Variants in SLC13A5 observed in about 807,000 individuals in gnomAD.
The protein encoded by SLC13A5 is Na(+)/citrate cotransporter.
A neutral mutation model predicts 56.5 loss-of-function variants in SLC13A5; 25 were observed. That is an observed-to-expected ratio of 0.44 (90% CI 0.32 to 0.62). The LOEUF (loss-of-function observed/expected upper bound fraction) is 0.62, where lower values mean the gene tolerates loss of function less well. Ranked by LOEUF, SLC13A5 falls within the 20% of genes least tolerant of loss-of-function variation. SLC13A5 has a pLI of 0.04. For synonymous variants in SLC13A5, 307 were observed against 301.5 expected (o/e 1.02, Z -0.19); for missense variants, 649 against 737.8 (o/e 0.88, Z 1.39).
chr17:6,711,643 TTGTGTGTGTCTGTGTGTTTG>T lies in SLC13A5; in HGVS notation c.102+1569_102+1588del, dbSNP rs1974037166. ...GTGTGTTTGTGTTTGTGCGTGTGTT[TTGTGTGTGTCTGTGTGTTTG>T]TGTGTGTGTCTGTGTGTGTTTGTGA... On this transcript the variant is annotated intron_variant, in intron 1 of 11. Coordinates refer to ENST00000433363, the MANE Select transcript of SLC13A5 (RefSeq NM_177550.5). This position sits in a 1 kb window ranked among gnomAD's most constrained non-coding sequence, Gnocchi z 4.0. Among the ~76,000 whole-genome samples, 1 of 150,686 alleles carries T rather than the reference TTGTGTGTGTCTGTGTGTTTG, an allele frequency of 6.6e-6. No homozygotes were observed.
chr17:6,695,396 T>G, intron 7 of SLC13A5: 1 of 227,790 alleles, frequency 4.4e-6, no homozygotes, highest in South Asian at 6.6e-5. Flanking sequence ...GTGTCTTTCT[T>G]TCTCTTTTTT....
At chr17:6,710,496 A>C (rs1973991722) in intron 1 of SLC13A5, among the ~76,000 whole-genome samples, 1 of 152,038 alleles carries the variant, frequency 6.6e-6, no homozygotes, top group African/African-American at 2.4e-5. Context: ...ACCAATGTAC[A>C]CTGTGCGTTC....
At position 6,701,689 on chromosome 17, in the gene SLC13A5, G is replaced by A. The variant is rs1329428967; in HGVS notation, c.717-563C>T. Among the ~76,000 whole-genome samples, 2 of 152,156 alleles carry A rather than the reference G, an allele frequency of 1.3e-5. No homozygotes were observed. Among genetic ancestry groups the A allele is most frequent in the African/African-American group, 4.8e-5 (2 of 41,442 alleles). The stretch of plus-strand genomic sequence containing the variant: ...CGCGCCACTGCACTCCAGCCTGGGC[G>A]ACAGAGCGAGACTTGTCTCAAAAAG... On this transcript the variant is annotated intron_variant, in intron 5 of 11. Transcript: ENST00000433363. This position sits in a 1 kb window ranked among gnomAD's most constrained non-coding sequence, Gnocchi z 4.1.
At chr17:6,703,206 C>T in intron 4 of SLC13A5, 68 bp from the exon 5 acceptor site, 2 of 1,581,238 alleles carry the variant, frequency 1.3e-6, no homozygotes, top group Non-Finnish European at 8.6e-7. Context: ...CAGGTCCTGA[C>T]TCTGCTGCTG....
intron 3 of SLC13A5, chr17:6,705,359 G>A (rs1231829200): frequency 6.6e-6 from 1 of 152,124 alleles, no homozygotes; most frequent in South Asian, 2.1e-4. Flanking sequence ...GTGGCAGGAA[G>A]GATACAGAAG....
At chr17:6,706,036 T>G (rs947048226) in intron 3 of SLC13A5, among the ~76,000 whole-genome samples, 1 of 152,200 alleles carries the variant, frequency 6.6e-6, no homozygotes, top group Non-Finnish European at 1.5e-5. Flanking sequence ...GCCTGGGGCC[T>G]TGTAGACACT....
At chr17:6,708,993 C>CTTTCTTT (rs1973945194) in intron 1 of SLC13A5, among the ~76,000 whole-genome samples, 1 of 133,036 alleles carries the variant, frequency 7.5e-6, no homozygotes, top group Non-Finnish European at 1.6e-5. Flanking sequence ...TCTTTTATTT[C>CTTTCTTT]TTTTTTTTTT....
rs377090828 is a variant in SLC13A5, at chr17:6,702,955, C to G, written c.716+15G>C. On this transcript the variant is annotated intron_variant, in intron 5 of 11. Coordinates refer to ENST00000433363, the MANE Select transcript of SLC13A5 (RefSeq NM_177550.5). ...CCCACTTCGTTGTCCCCAGAAGGTGCGACCAAGGACTCACTCGTTCATCTG... is the reference window on the plus strand; with the variant it reads ...CCCACTTCGTTGTCCCCAGAAGGTGGGACCAAGGACTCACTCGTTCATCTG... 6.2e-7 allele frequency: 1 copy of G among 1,605,186 alleles called. No homozygotes were observed. Among genetic ancestry groups the G allele is most frequent in the Admixed American group, 1.7e-5 (1 of 59,882 alleles).
chr17:6,709,951 G>A (rs968298312), intron 1 of SLC13A5, among the ~76,000 whole-genome samples: 1 of 152,180 alleles, frequency 6.6e-6, no homozygotes, highest in Admixed American at 6.5e-5. Context: ...CTCCAGGTTG[G>A]ACAGCAAAAA....
In SLC13A5 at chr17:6,695,899, G is replaced by T. The variant is rs143504660; in HGVS notation, c.882C>A (p.Asn294Lys). The part of the protein sequence containing the change: ...SWGCGLESKK[N>K]EKAALKVLQE... Reference sequence around the variant, plus strand: ...GCAGCACCTTGAGGGCAGCCTTCTCGTTTTTCTTGCTCTCTAGCCCGCAGC... The same window carrying T: ...GCAGCACCTTGAGGGCAGCCTTCTCTTTTTTCTTGCTCTCTAGCCCGCAGC... Residue 294 changes from asparagine (N) to lysine (K), a missense_variant, in exon 7 of 12, where the codon AAC becomes AAA. Coordinates refer to ENST00000433363, the MANE Select transcript of SLC13A5 (RefSeq NM_177550.5). 2.5e-6 allele frequency: 4 copies of T among 1,613,956 alleles called. No homozygotes were observed. The South Asian group carries it at 4.4e-5, about 18-fold the overall frequency.
In SLC13A5 at chr17:6,696,781, G is replaced by A. The variant is rs562190704; in HGVS notation, c.840-840C>T. The stretch of plus-strand genomic sequence containing the variant: ...GGTTTGAAGGGGTGGGCAAGGCCAA[G>A]AGTATTGTCCTGGAGAGCCCTCCCT... On this transcript the variant is annotated intron_variant, in intron 6 of 11. Coordinates refer to ENST00000433363, the MANE Select transcript of SLC13A5 (RefSeq NM_177550.5). 2.0e-5 allele frequency among the ~76,000 whole-genome samples: 3 copies of A among 152,336 alleles called. No individual in the cohort carries two copies. The South Asian group carries it at 6.2e-4, about 32-fold the overall frequency.
chr17:6,694,130 G>T lies in SLC13A5; in HGVS notation c.1123C>A (p.Pro375Thr). The T allele has an allele frequency of 6.2e-7, 1 of 1,613,628 alleles. No homozygotes were observed. The highest frequency in any genetic ancestry group is 8.5e-7 in the Non-Finnish European group (1 of 1,179,762). ...GTCTGGCTGCGGAAGTTAAACTTGG[G>T]CTTCTGTGAAGGCACAATGAATAGC... ...TLLFIVPSQK[P>T]KFNFRSQTEE... Residue 375 changes from proline (P) to threonine (T), a missense_variant, in exon 8 of 12, where the codon CCC (proline) becomes ACC (threonine). By Grantham distance (38) the Pro-to-Thr change is conservative. Coordinates refer to ENST00000433363, the MANE Select transcript of SLC13A5 (RefSeq NM_177550.5).
chr17:6,686,426 C>T lies in SLC13A5; in HGVS notation c.1576-88G>A, dbSNP rs1039448781. On this transcript the variant is annotated intron_variant, in intron 11 of 11. Transcript: ENST00000433363. ...GACAAAGGGTCGGCTCACTGGGCCT[C>T]GATGTCCCTGTGCCATGCTCTGTCC... is the stretch of plus-strand genomic sequence containing the variant. 1.1e-5 allele frequency: 17 copies of T among 1,541,564 alleles called. No homozygotes were observed. In the African/African-American group the frequency reaches 1.8e-4, roughly 16 times the overall value.
At position 6,703,013 on chromosome 17, in the gene SLC13A5, T is replaced by G; in HGVS notation, c.673A>C (p.Thr225Pro). The change falls in exon 5 of 12, where the codon ACC becomes CCC. Residue 225 changes from threonine to proline, a missense_variant. Transcript: ENST00000433363. ...AASIGGTATL[T>P]GTGPNVVLLG... is the part of the protein sequence containing the mutation. Reference sequence around the variant, plus strand: ...AGCACCACGTTGGGTCCCGTCCCGGTCAGGGTGGCGGTGCCCCCGATGCTG... The same window carrying G: ...AGCACCACGTTGGGTCCCGTCCCGGGCAGGGTGGCGGTGCCCCCGATGCTG... 6 of 1,614,184 alleles carry G rather than the reference T, an allele frequency of 3.7e-6. No individual in the cohort carries two copies. Among genetic ancestry groups the G allele is most frequent in the Non-Finnish European group, 5.1e-6 (6 of 1,180,028 alleles).
chr17:6,699,898 G>A (rs1007159940), intron 6 of SLC13A5, among the ~76,000 whole-genome samples: 1 of 152,316 alleles, frequency 6.6e-6, no homozygotes, highest in South Asian at 2.1e-4. Context: ...GAGCCATCGC[G>A]CCCGGCCTGT....
intron 9 of SLC13A5, among the ~76,000 whole-genome samples, chr17:6,691,732 T>C (rs1346459379): frequency 2.0e-5 from 3 of 152,130 alleles, no homozygotes; most frequent in Non-Finnish European, 4.4e-5. Flanking sequence ...TCTCAGCTAG[T>C]TCTCCTCCAA....
intron 4 of SLC13A5, 136 bp downstream of exon 4, chr17:6,703,742 A>AT (rs890889859): frequency 4.9e-3 from 4,057 of 826,896 alleles, no homozygotes; most frequent in Non-Finnish European, 5.8e-3. Context: ...AGTATTTTCT[A>AT]TTTTTTTTTC....
At chr17:6,686,470 C>T in intron 11 of SLC13A5, 132 bp from the exon 12 acceptor site, 2 of 1,151,696 alleles carry the variant, frequency 1.7e-6, no homozygotes, top group Non-Finnish European at 2.5e-6. Flanking sequence ...GGTGTCCCGA[C>T]CCCCAGGACA....
intron 6 of SLC13A5, among the ~76,000 whole-genome samples, chr17:6,696,704 C>T (rs1312079948): frequency 6.6e-6 from 1 of 152,130 alleles, no homozygotes; most frequent in East Asian, 1.9e-4. Flanking sequence ...AGGACTAAGG[C>T]CTCAAGGTAT....
Sources: allele counts gnomAD v4.1 joint callset (sites outside exome capture counted in the v4.1 genomes callset), GRCh38; gene constraint gnomAD v4.1.1; non-coding constraint Gnocchi (gnomAD v3.1); transcripts MANE v1.5; gene names NCBI Gene and HGNC (gene_info 2026-07-23, HGNC 2026-07-21).